GYS1: variants seen among roughly 807,000 people sequenced by gnomAD.
GYS1 encodes glycogen synthase 1.
Under a neutral mutation model 89.1 loss-of-function variants are expected in GYS1, and 60 were observed. That is an observed-to-expected ratio of 0.67 (90% CI 0.55 to 0.84). The LOEUF (loss-of-function observed/expected upper bound fraction) is 0.84. Among genes scored for constraint, GYS1 ranks in the 40% least tolerant of loss-of-function variants. The pLI, the probability that GYS1 is intolerant of heterozygous loss-of-function variation, is 0.00. For missense variants in GYS1, 888 were observed against 1,003.1 expected, an observed-to-expected ratio of 0.89 and a Z score of 1.55; for synonymous variants, 366 against 401.7, an observed-to-expected ratio of 0.91 and a Z score of 1.06.
intron 15 of GYS1, 25 bp from the exon 16 acceptor site, chr19:48,969,636 A>G (rs758707443): frequency 1.3e-6 from 2 of 1,558,980 alleles, no homozygotes; most frequent in Non-Finnish European, 1.7e-6. Flanking sequence ...GTGGGTGCAA[A>G]CCAGGGTGAG....
rs746711183 is a variant in GYS1, at chr19:48,991,434, G to A, written c.168C>T (p.Asp56=). The A allele has an allele frequency of 6.5e-5, 105 of 1,613,954 alleles. No individual in the cohort carries two copies. Among genetic ancestry groups the A allele is most frequent in the Non-Finnish European group, 8.3e-5 (98 of 1,180,022 alleles). The change falls in exon 2 of 16, where the codon GAC becomes GAT. Residue 56 remains aspartate, a synonymous_variant. Transcript: ENST00000323798. The surrounding 1 kb of genome is among the most constrained non-coding windows in gnomAD (Gnocchi z 4.7). Reference sequence around the variant, plus strand: ...CCAGGAAGTAGTTGTCGCCCCATTCGTCCCCTGTCACCTTCGCCTTCGTCT... The same window carrying A: ...CCAGGAAGTAGTTGTCGCCCCATTCATCCCCTGTCACCTTCGCCTTCGTCT... ...VLQTKAKVTG[D]EWGDNYFLVG...
rs576310207 is a variant in GYS1, at chr19:48,982,663, G to A, written c.941+57C>T. 1.4e-5 allele frequency: 18 copies of A among 1,257,126 alleles called. No homozygotes were observed. The African/African-American group carries it at 2.4e-4, about 16-fold the overall frequency. The allele number at this position is 1,257,126 out of a possible 1,614,324, so 77.9% of individuals were successfully genotyped here. ...CCAGCTGCCCCCTCCCCCAGACCTA[G>A]ATGGTTAGGCTCCCAACGCCCTCCT... On this transcript the variant is annotated intron_variant, in intron 6 of 15. Transcript: ENST00000323798.
rs778861478 is a variant in GYS1, at chr19:48,993,247, T to C, written c.-135A>G. On this transcript the variant is annotated 5_prime_UTR_variant, in exon 1 of 16. Coordinates refer to ENST00000323798, the MANE Select transcript of GYS1 (RefSeq NM_002103.5). The stretch of plus-strand genomic sequence containing the variant: ...GCTTGCAAGACGCTCGGCTTCCTAT[T>C]GCAAGACCGCACCCCTGCCCCGAAG... 1.5e-5 allele frequency: 11 copies of C among 753,250 alleles called. No individual in the cohort carries two copies. The highest frequency in any genetic ancestry group is 2.7e-5 in the Non-Finnish European group (11 of 412,252). The allele number at this position is 753,250 out of a possible 1,614,324, so 46.7% of individuals were successfully genotyped here.
chr19:48,989,540 C>A (rs957423828), intron 2 of GYS1, among the ~76,000 whole-genome samples: 14 of 151,398 alleles, frequency 9.2e-5, no homozygotes, highest in Admixed American at 8.5e-4. Flanking sequence ...CCTCCCACCT[C>A]AGCCTCCTGA....
At position 48,981,741 on chromosome 19, in the gene GYS1, T is replaced by G. The variant is rs572025024; in HGVS notation, c.1063-105A>C. On this transcript the variant is annotated intron_variant, in intron 7 of 15. Transcript: ENST00000323798. ...TGGGATCCTGCCATACCCATTCCTG[T>G]CAAGGAGAATTATAGGACAGTCCCC... 339 of 743,350 alleles carry G rather than the reference T, an allele frequency of 4.6e-4. 2 individuals carry two copies. The East Asian group carries it at 8.6e-3, about 19-fold the overall frequency. The allele number at this position is 743,350 out of a possible 1,614,324, so 46.0% of individuals were successfully genotyped here.
Position 48,987,295 on chromosome 19 carries a change from C to T in GYS1, c.391G>A (p.Gly131Arg). ...ASAWALERWK[G>R]ELWDTCNIGV... ...ATGTTGCAGGTATCCCAGAGCTCTCCCTTCCAGCGCTCCAGGGCCCAAGCT... is the reference window on the plus strand; with the variant it reads ...ATGTTGCAGGTATCCCAGAGCTCTCTCTTCCAGCGCTCCAGGGCCCAAGCT... The change falls in exon 3 of 16, where the codon GGA (glycine) becomes AGA (arginine). Residue 131 changes from glycine to arginine, a missense_variant. Coordinates refer to ENST00000323798, the MANE Select transcript of GYS1 (RefSeq NM_002103.5). The T allele has an allele frequency of 2.5e-6, 4 of 1,612,648 alleles. No homozygotes were observed. Among genetic ancestry groups the T allele is most frequent in the Non-Finnish European group, 3.4e-6 (4 of 1,179,416 alleles).
At position 48,993,125 on chromosome 19, in the gene GYS1, A is replaced by T. The variant is rs1426805469; in HGVS notation, c.-13T>A. On this transcript the variant is annotated 5_prime_UTR_variant, in exon 1 of 16. Coordinates refer to ENST00000323798, the MANE Select transcript of GYS1 (RefSeq NM_002103.5). ...GGTTTAAAGGCATGGCTGGCGCAGGAAGGGGGGCTCCGGGGATCTCCAGGT... is the reference window on the plus strand; with the variant it reads ...GGTTTAAAGGCATGGCTGGCGCAGGTAGGGGGGCTCCGGGGATCTCCAGGT... The T allele has an allele frequency of 1.4e-6, 2 of 1,454,406 alleles. No homozygotes were observed. The highest frequency in any genetic ancestry group is 1.1e-5 in the South Asian group (1 of 87,780). The allele number at this position is 1,454,406 out of a possible 1,614,324, so 90.1% of individuals were successfully genotyped here.
In GYS1 at chr19:48,991,350, G is replaced by C; in HGVS notation, c.252C>G (p.Thr84=). ...AATCCAGTGTCCTCTTCAGGGCCGG[G>C]GTGGGGGCCTCCAGCAGTTCCACCT... ...RTQVELLEAP[T]PALKRTLDSM... is the part of the protein sequence containing the mutation. The change falls in exon 2 of 16, where the codon ACC becomes ACG. Residue 84 remains threonine, a synonymous_variant. Transcript: ENST00000323798. This position sits in a 1 kb window ranked among gnomAD's most constrained non-coding sequence, Gnocchi z 4.7. 1 of 1,614,104 alleles carries C rather than the reference G, an allele frequency of 6.2e-7. No homozygotes were observed. Among genetic ancestry groups the C allele is most frequent in the South Asian group, 1.1e-5 (1 of 91,092 alleles).
At chr19:48,984,529 G>A (rs2038811622) in intron 5 of GYS1, among the ~76,000 whole-genome samples, 1 of 151,192 alleles carries the variant, frequency 6.6e-6, no homozygotes, top group Admixed American at 6.6e-5. Context: ...CCGAGTAGCT[G>A]GGATTACAGG....
chr19:48,982,673 C>T (rs2038785340), intron 6 of GYS1, 47 bp downstream of exon 6: 1 of 1,331,894 alleles, frequency 7.5e-7, no homozygotes, highest in Non-Finnish European at 1.1e-6. Flanking sequence ...GATGGTTAGG[C>T]TCCCAACGCC....
At chr19:48,973,723 T>C (rs1331800407) in intron 12 of GYS1, among the ~76,000 whole-genome samples, 1 of 152,080 alleles carries the variant, frequency 6.6e-6, no homozygotes, top group East Asian at 1.9e-4. Flanking sequence ...TTCACTATAT[T>C]GGCCAGGCTG....
intron 3 of GYS1, among the ~76,000 whole-genome samples, chr19:48,986,879 C>T (rs572384262): frequency 6.6e-6 from 1 of 152,298 alleles, no homozygotes; most frequent in South Asian, 2.1e-4. Context: ...GCATCCAGGG[C>T]AGCATCTGAG....
At chr19:48,969,717 C>G (rs1054019620) in intron 15 of GYS1, 58 bp downstream of exon 15, 1 of 1,584,732 alleles carries the variant, frequency 6.3e-7, no homozygotes, top group African/African-American at 1.3e-5. Flanking sequence ...GGGACCCCCA[C>G]CCCACCGAAG....
Position 48,969,489 on chromosome 19 carries a change from G to A in GYS1, c.2013C>T (p.Asp671=), listed in dbSNP as rs5452. 1.1e-3 allele frequency: 1,630 copies of A among 1,545,038 alleles called. 12 individuals are homozygous for A. The African/African-American group carries it at 0.02, about 19-fold the overall frequency. Residue 671 remains aspartate (D), a synonymous_variant, in exon 16 of 16, where the codon GAC becomes GAT. Transcript: ENST00000323798. ...CCTCGTCCTCATCGTAGCGCTCGCC[G>A]TCTTCCTCCAGCGGCCCGTTCCGGG... ...EDPRNGPLEE[D]GERYDEDEEA...
In GYS1 at chr19:48,969,307, A is replaced by G. The variant is rs756641690; in HGVS notation, c.2195T>C (p.Leu732Pro). 5 of 1,570,260 alleles carry G rather than the reference A, an allele frequency of 3.2e-6. No homozygotes were observed. The highest frequency in any genetic ancestry group is 4.3e-6 in the Non-Finnish European group (5 of 1,165,496). The change falls in exon 16 of 16, where the codon CTG (leucine) becomes CCG (proline). Residue 732 changes from leucine (L) to proline (P), a missense_variant. Physicochemically the swap from Leu to Pro is moderately conservative, Grantham distance 98. Transcript: ENST00000323798. The stretch of plus-strand genomic sequence containing the variant: ...GCGGACTTAGTTACGCTCCTCGCCC[A>G]GGGAGCTGGTGGGGCTGAGGGGCTC... ...PSEPLSPTSSLGEERN is the reference protein window; with the variant it reads ...PSEPLSPTSSPGEERN
chr19:48,982,770 A>G lies in GYS1; in HGVS notation c.891T>C (p.His297=), dbSNP rs771403634. Residue 297 remains histidine, a synonymous_variant, in exon 6 of 16, where the codon CAT becomes CAC. Transcript: ENST00000323798. ...CCTGGATTCGAGCCTTGCTCTGAGC[A>G]TGGAGGTTCTGGAACTCATGCATGG... ...FSAMHEFQNL[H]AQSKARIQEF... 2 of 1,614,074 alleles carry G rather than the reference A, an allele frequency of 1.2e-6. No homozygotes were observed. Among genetic ancestry groups the G allele is most frequent in the South Asian group, 1.1e-5 (1 of 91,078 alleles).
intron 14 of GYS1, 22 bp from the exon 15 acceptor site, chr19:48,969,877 G>C: frequency 5.8e-6 from 9 of 1,562,006 alleles, no homozygotes; most frequent in Non-Finnish European, 7.9e-6. Context: ...GAGGAGAGGG[G>C]GCAGAGGATG....
chr19:48,987,266 T>C lies in GYS1; in HGVS notation c.420A>G (p.Gly140=), dbSNP rs5458. The C allele has an allele frequency of 3.2e-3, 5,197 of 1,613,178 alleles. 89 individuals carry two copies. In the African/African-American group the frequency reaches 0.038, roughly 12 times the overall value. ...KGELWDTCNI[G]VPWYDREAND... ...TGGCCTCGCGGTCGTACCACGGCAC[T>C]CCGATGTTGCAGGTATCCCAGAGCT... The change falls in exon 3 of 16, where the codon GGA becomes GGG. Residue 140 remains glycine, a synonymous_variant. Coordinates refer to ENST00000323798, the MANE Select transcript of GYS1 (RefSeq NM_002103.5).
At chr19:48,976,779 G>A (rs933519184) in intron 10 of GYS1, among the ~76,000 whole-genome samples, 1 of 152,008 alleles carries the variant, frequency 6.6e-6, no homozygotes, top group Admixed American at 6.6e-5. Context: ...TCGTGTGTGT[G>A]TGTATGTGTC....
Sources: gnomAD v4.1 joint callset for allele counts (sites outside exome capture counted in the v4.1 genomes callset) on GRCh38, gnomAD v4.1.1 for gene constraint, Gnocchi (gnomAD v3.1) non-coding constraint, MANE v1.5 for transcripts, NCBI Gene and HGNC (gene_info 2026-07-23, HGNC 2026-07-21) for gene names.